Variants in PMM2 observed in about 807,000 individuals in gnomAD.
PMM2 encodes the protein phosphomannomutase 2.
In PMM2, 35 loss-of-function variants were observed where a neutral mutation model predicts 33.2. That is an observed-to-expected ratio of 1.06 (90% CI 0.81 to 1.40). PMM2 has a LOEUF of 1.40. Ranked by LOEUF, PMM2 falls within the 40% of genes most tolerant of loss-of-function variation. The pLI, the probability that PMM2 is intolerant of heterozygous loss-of-function variation, is 0.00. For missense variants in PMM2, 386 were observed against 306.0 expected (o/e 1.26, Z -1.95); for synonymous variants, 153 against 114.7 (o/e 1.33, Z -2.13).
intron 7 of PMM2, among the ~76,000 whole-genome samples, chr16:8,821,900 C>G (rs553230630): frequency 6.6e-6 from 1 of 152,266 alleles, no homozygotes; most frequent in Non-Finnish European, 1.5e-5. Flanking sequence ...GGGAGAGCCA[C>G]TACTGCTCTA....
intron 6 of PMM2, among the ~76,000 whole-genome samples, chr16:8,812,601 C>T (rs768026698): frequency 5.9e-5 from 9 of 152,148 alleles, no homozygotes; most frequent in Non-Finnish European, 7.3e-5. Context: ...CAAAATATGC[C>T]GGATGCAACC....
intron 7 of PMM2, chr16:8,832,931 A>G (rs1457201640): frequency 3.1e-6 from 3 of 958,584 alleles, no homozygotes; most frequent in African/African-American, 3.6e-5. Flanking sequence ...TTGCTCAACA[A>G]GGCGCCCAAG....
chr16:8,827,919 GTT>G (rs2060786241), intron 7 of PMM2, among the ~76,000 whole-genome samples: 1 of 75,386 alleles, frequency 1.3e-5, no homozygotes, highest in Admixed American at 1.7e-4. Context: ...TATATATTAT[GTT>G]TTATATATAA....
chr16:8,832,370 GAATT>G, intron 7 of PMM2: 1 of 985,408 alleles, frequency 1.0e-6, no homozygotes, highest in South Asian at 4.7e-5. Context: ...TCCTGGATGG[GAATT>G]GATTCTCCAG....
At chr16:8,827,806 A>T (rs2060781645) in intron 7 of PMM2, among the ~76,000 whole-genome samples, 1 of 37,752 alleles carries the variant, frequency 2.6e-5, no homozygotes, top group African/African-American at 9.5e-5. Context: ...ATACATATTT[A>T]TATATTTATA....
At chr16:8,832,902 T>TG in intron 7 of PMM2, 1 of 985,448 alleles carries the variant, frequency 1.0e-6, no homozygotes, top group Non-Finnish European at 1.2e-6. Flanking sequence ...CCTCCAGGCC[T>TG]GGCAGCCCTT....
intron 7 of PMM2, among the ~76,000 whole-genome samples, chr16:8,825,404 C>T (rs999711006): frequency 1.3e-4 from 20 of 152,062 alleles, no homozygotes; most frequent in African/African-American, 3.9e-4. Context: ...CGGCTCACTG[C>T]ACCCTCCGCC....
At position 8,811,125 on chromosome 16, in the gene PMM2, A is replaced by T. The variant is rs753632453; in HGVS notation, c.394A>T (p.Ile132Phe). 6.3e-7 allele frequency: 1 copy of T among 1,578,062 alleles called. No homozygotes were observed. The highest frequency in any genetic ancestry group is 8.6e-7 in the Non-Finnish European group (1 of 1,157,906). The part of the protein sequence containing the change: ...FRNGMLNVSP[I>F]GRSCSQEERI... ...AAATGGGATGTTAAACGTGTCCCCTATTGGAAGAAGCTGCAGCCAAGAAGA... is the reference window on the plus strand; with the variant it reads ...AAATGGGATGTTAAACGTGTCCCCTTTTGGAAGAAGCTGCAGCCAAGAAGA... Residue 132 changes from isoleucine to phenylalanine, a missense_variant, in exon 5 of 8, where the codon ATT (isoleucine) becomes TTT (phenylalanine). Coordinates refer to ENST00000268261, the MANE Select transcript of PMM2 (RefSeq NM_000303.3).
intron 7 of PMM2, chr16:8,832,294 A>G (rs1370643002): frequency 1.0e-6 from 1 of 985,340 alleles, no homozygotes; most frequent in Non-Finnish European, 1.2e-6. Context: ...CGGCTCTCTG[A>G]AAGCGGGTGG....
intron 7 of PMM2, among the ~76,000 whole-genome samples, chr16:8,819,263 A>G (rs1383450132): frequency 6.6e-6 from 1 of 152,342 alleles, no homozygotes; most frequent in East Asian, 1.9e-4. Flanking sequence ...AAAAGAGTCC[A>G]TGTGGACCCA....
intron 3 of PMM2, among the ~76,000 whole-genome samples, chr16:8,805,269 T>C (rs1243064958): frequency 6.6e-6 from 1 of 152,160 alleles, no homozygotes; most frequent in African/African-American, 2.4e-5. Flanking sequence ...GGTTTCACCA[T>C]GTTGGCCAGG....
At position 8,801,822 on chromosome 16, in the gene PMM2, C is replaced by G. The variant is rs201556985; in HGVS notation, c.90C>G (p.Asp30Glu). The G allele has an allele frequency of 3.8e-4, 612 of 1,610,104 alleles. 8 individuals carry two copies. Among genetic ancestry groups the G allele is most frequent in the South Asian group, 3.7e-3 (336 of 90,784 alleles). The change falls in exon 2 of 8, where the codon GAC (aspartate) becomes GAG (glutamate). Residue 30 changes from aspartate to glutamate, a missense_variant. By Grantham distance (45) the Asp-to-Glu change is conservative. Coordinates refer to ENST00000268261, the MANE Select transcript of PMM2 (RefSeq NM_000303.3). ...PRQKITKEMDDFLQKLRQKIK... is the reference protein window; with the variant it reads ...PRQKITKEMDEFLQKLRQKIK... ...AGAAAATTACCAAAGAAATGGATGA[C>G]TTCCTACAAAAATTGAGGCAGAAGA...
chr16:8,798,830 C>A (rs186712904), intron 1 of PMM2, among the ~76,000 whole-genome samples: 6 of 152,294 alleles, frequency 3.9e-5, no homozygotes, highest in African/African-American at 1.4e-4. Flanking sequence ...AGCTTCTACC[C>A]TCACCCCTCA....
chr16:8,827,295 A>T (rs937517421), intron 7 of PMM2, among the ~76,000 whole-genome samples: 5 of 151,982 alleles, frequency 3.3e-5, no homozygotes, highest in African/African-American at 7.2e-5. Flanking sequence ...AATTCAGTTG[A>T]CTGAGAAGAA....
intron 7 of PMM2, among the ~76,000 whole-genome samples, chr16:8,833,747 T>C (rs1269302039): frequency 2.0e-5 from 3 of 151,660 alleles, no homozygotes; most frequent in Non-Finnish European, 1.5e-5. Flanking sequence ...AGAAACTAAA[T>C]GGAATAAGAG....
intron 7 of PMM2, among the ~76,000 whole-genome samples, chr16:8,844,353 C>A (rs527722216): frequency 1.3e-5 from 2 of 152,044 alleles, no homozygotes; most frequent in African/African-American, 4.8e-5. Context: ...GGGGTTCTTA[C>A]CCTCCAGAAA....
chr16:8,802,032 T>C (rs952751223), intron 2 of PMM2, 122 bp downstream of exon 2: 2 of 706,060 alleles, frequency 2.8e-6, no homozygotes, highest in African/African-American at 3.5e-5. Flanking sequence ...TGCTTCCTTT[T>C]TTGGGAAACA....
intron 7 of PMM2, among the ~76,000 whole-genome samples, chr16:8,837,763 A>G (rs910370552): frequency 1.3e-5 from 2 of 152,034 alleles, no homozygotes; most frequent in Admixed American, 1.3e-4. Context: ...GCTAAGGGTG[A>G]AGGACCAAGG....
intron 6 of PMM2, among the ~76,000 whole-genome samples, chr16:8,811,990 G>T (rs1053551357): frequency 1.3e-5 from 2 of 152,212 alleles, no homozygotes; most frequent in Non-Finnish European, 2.9e-5. Flanking sequence ...CTCATCAAAA[G>T]AGGAGCACTT....
Sources: allele counts gnomAD v4.1 joint callset (sites outside exome capture counted in the v4.1 genomes callset), GRCh38; gene constraint gnomAD v4.1.1; transcripts MANE v1.5; gene names NCBI Gene and HGNC (gene_info 2026-07-23, HGNC 2026-07-21).